ADAMTS2: variants seen among roughly 807,000 people sequenced by gnomAD.
ADAMTS2 encodes A disintegrin and metalloproteinase with thrombospondin motifs 2.
A neutral mutation model predicts 123.0 loss-of-function variants in ADAMTS2; 50 were observed. The observed-to-expected ratio is 0.41, with a 90% confidence interval of 0.32 to 0.51. ADAMTS2 has a LOEUF of 0.51. ADAMTS2 is among the 20% of genes least tolerant of loss of function. The pLI is 0.35. For missense variants in ADAMTS2, 1,494 were observed against 1,705.2 expected (o/e 0.88, Z 2.18); for synonymous variants, 678 against 695.4 (o/e 0.98, Z 0.39).
rs951797291 is a variant in ADAMTS2 at position 179,113,522 on chromosome 5, G to A, written c.*345C>T. 1.2e-5 allele frequency: 4 copies of A among 342,214 alleles called. No homozygotes were observed. Among genetic ancestry groups the A allele is most frequent in the African/African-American group, 8.4e-5 (4 of 47,818 alleles). The allele number at this position is 342,214 out of a possible 1,614,324, so 21.2% of individuals were successfully genotyped here. Reference sequence around the variant, plus strand: ...CATGCATCTCCGCCAAGGAAAGGAAGGTTCCCAATCACTGCTTAGCAACTT... The same window carrying A: ...CATGCATCTCCGCCAAGGAAAGGAAAGTTCCCAATCACTGCTTAGCAACTT... On this transcript the variant is annotated 3_prime_UTR_variant, in exon 22 of 22. Transcript: ENST00000251582.
rs1255215414 is a variant in ADAMTS2 at position 179,249,555 on chromosome 5, C to CAAAAA, written c.688+23355_688+23356insTTTTT. On this transcript the variant is annotated intron_variant, in intron 3 of 21. Transcript: ENST00000251582. ...AGGCTCCAATTACTAAAATCACAAA[C>CAAAAA]AAAAGTGGGGACATTACTACCGACC... Among the ~76,000 whole-genome samples, 25 of 152,078 alleles carry CAAAAA rather than the reference C, an allele frequency of 1.6e-4. No homozygotes were observed. The East Asian group carries it at 3.9e-3, about 23-fold the overall frequency.
Position 179,312,545 on chromosome 5 carries a change from G to A in ADAMTS2, c.534+31222C>T, listed in dbSNP as rs555684177. Reference sequence around the variant, plus strand: ...GCTTCCGATGCTTTTAAGCCGCTCCGTTTATGGTATTTGGCTATAGCAGCC... The same window carrying A: ...GCTTCCGATGCTTTTAAGCCGCTCCATTTATGGTATTTGGCTATAGCAGCC... On this transcript the variant is annotated intron_variant, in intron 2 of 21. Transcript: ENST00000251582. This position sits in a 1 kb window ranked among gnomAD's most constrained non-coding sequence, Gnocchi z 4.2. Among the ~76,000 whole-genome samples, 67 of 152,312 alleles carry A rather than the reference G, an allele frequency of 4.4e-4. No individual in the cohort carries two copies. Among genetic ancestry groups the A allele is most frequent in the South Asian group, 1.0e-3 (5 of 4,818 alleles).
rs1310226508 is a variant in ADAMTS2 at position 179,134,775 on chromosome 5, A to AGC, written c.2085+1133_2085+1134insGC. Among the ~76,000 whole-genome samples the AGC allele has an allele frequency of 4.4e-3, 150 of 33,814 alleles. 2 individuals carry two copies. The highest frequency in any genetic ancestry group is 5.4e-3 in the Admixed American group (17 of 3,172). 22.2% of individuals were successfully genotyped at this position (33,814 alleles called of 152,430 possible). ...GGCTCCAGCTCCAGCTCCCGGCTCC[A>AGC]TCCCCCAGCTCCCGGCTCCAGCCCC... On this transcript the variant is annotated intron_variant, in intron 13 of 21. Coordinates refer to ENST00000251582, the MANE Select transcript of ADAMTS2 (RefSeq NM_014244.5).
intron 3 of ADAMTS2, among the ~76,000 whole-genome samples, chr5:179,230,286 G>C (rs1765378470): frequency 6.6e-6 from 1 of 152,198 alleles, no homozygotes; most frequent in East Asian, 1.9e-4. Flanking sequence ...GGGATTACCA[G>C]AAAGTGCGGT....
intron 10 of ADAMTS2, among the ~76,000 whole-genome samples, chr5:179,141,441 A>G (rs1763168518): frequency 6.6e-6 from 1 of 152,224 alleles, no homozygotes; most frequent in Non-Finnish European, 1.5e-5. Context: ...GAAACTTTGA[A>G]TGGAAGTGTA....
Position 179,285,164 on chromosome 5 carries a change from G to C in ADAMTS2, c.535-12100C>G, listed in dbSNP as rs1755984774. ...AGCTGTTAGGAAACGCGTAACAAAGGGTCAGCAGTGTTACGATCGGGGGTG... is the reference window on the plus strand; with the variant it reads ...AGCTGTTAGGAAACGCGTAACAAAGCGTCAGCAGTGTTACGATCGGGGGTG... On this transcript the variant is annotated intron_variant, in intron 2 of 21. Coordinates refer to ENST00000251582, the MANE Select transcript of ADAMTS2 (RefSeq NM_014244.5). The surrounding 1 kb of genome is among the most constrained non-coding windows in gnomAD (Gnocchi z 4.9). Among the ~76,000 whole-genome samples the C allele has an allele frequency of 6.6e-6, 1 of 152,096 alleles. No homozygotes were observed. Among genetic ancestry groups the C allele is most frequent in the African/African-American group, 2.4e-5 (1 of 41,424 alleles).
chr5:179,134,720 C>T (rs886749281), intron 13 of ADAMTS2, among the ~76,000 whole-genome samples: 1 of 149,758 alleles, frequency 6.7e-6, no homozygotes, highest in Admixed American at 6.7e-5. Context: ...CTCGAGCACC[C>T]TCCCGGCTCC....
intron 4 of ADAMTS2, among the ~76,000 whole-genome samples, chr5:179,187,507 T>C (rs879651784): frequency 6.6e-6 from 1 of 152,188 alleles, no homozygotes; most frequent in African/African-American, 2.4e-5. Context: ...TTTGAAGATA[T>C]GGAATAACAG....
In ADAMTS2 at chr5:179,139,940, A is replaced by G. The variant is rs2113223195; in HGVS notation, c.1725T>C (p.Arg575=). The G allele has an allele frequency of 1.2e-6, 2 of 1,613,348 alleles. No homozygotes were observed. The highest frequency in any genetic ancestry group is 1.3e-5 in the African/African-American group (1 of 75,026). ...GAWSPFGSCS[R]TCGTGVKFRT... is the part of the protein sequence containing the mutation. ...TGAACTTCACGCCCGTGCCACAGGT[A>G]CGTGAGCAGGAGCCAAACGGACTCC... Residue 575 remains arginine (R), a synonymous_variant, in exon 11 of 22, where the codon CGT becomes CGC. Transcript: ENST00000251582.
At chr5:179,261,307 C>T (rs1028495726) in intron 3 of ADAMTS2, among the ~76,000 whole-genome samples, 1 of 152,178 alleles carries the variant, frequency 6.6e-6, no homozygotes, top group Non-Finnish European at 1.5e-5. Context: ...GCTTTGCTGC[C>T]GGAGCAGCAA....
intron 19 of ADAMTS2, among the ~76,000 whole-genome samples, chr5:179,124,151 T>C (rs959776899): frequency 6.6e-6 from 1 of 152,212 alleles, no homozygotes; most frequent in Non-Finnish European, 1.5e-5. Context: ...CCCCTGCAAC[T>C]GCAAGTCCCG....
At position 179,245,720 on chromosome 5, in the gene ADAMTS2, C is replaced by T. The variant is rs376386191; in HGVS notation, c.688+27191G>A. On this transcript the variant is annotated intron_variant, in intron 3 of 21. Transcript: ENST00000251582. ...GGCGGAGCTTGCAGTGAGCCGAGAT[C>T]GCGCCACTGCACTCCAGCCTGGGCG... Among the ~76,000 whole-genome samples, 15 of 117,920 alleles carry T rather than the reference C, an allele frequency of 1.3e-4. 1 individual carries two copies. Among genetic ancestry groups the T allele is most frequent in the African/African-American group, 2.6e-4 (8 of 30,686 alleles). 77.4% of individuals were successfully genotyped at this position (117,920 alleles called of 152,430 possible).
chr5:179,160,182 T>G (rs1763567519), intron 5 of ADAMTS2, among the ~76,000 whole-genome samples: 1 of 152,186 alleles, frequency 6.6e-6, no homozygotes, highest in Admixed American at 6.5e-5. Flanking sequence ...AAGTTGGCCG[T>G]GCGCGGTGGC....
At chr5:179,270,387 C>A (rs931902917) in intron 3 of ADAMTS2, among the ~76,000 whole-genome samples, 2 of 152,208 alleles carry the variant, frequency 1.3e-5, no homozygotes. Context: ...GTGCTTCACA[C>A]CCACTTCCAG....
intron 2 of ADAMTS2, among the ~76,000 whole-genome samples, chr5:179,287,430 G>A (rs756627431): frequency 2.0e-5 from 3 of 152,146 alleles, no homozygotes; most frequent in East Asian, 1.9e-4. Flanking sequence ...ACTCTCTCAC[G>A]GTCCAGCAGG....
rs1166990772 is a variant in ADAMTS2, at chr5:179,302,379, C to CAAAAAA, written c.535-29321_535-29316dup. Among the ~76,000 whole-genome samples the CAAAAAA allele has an allele frequency of 2.1e-3, 81 of 38,194 alleles. 2 individuals are homozygous for CAAAAAA. Among genetic ancestry groups the CAAAAAA allele is most frequent in the African/African-American group, 8.4e-3 (80 of 9,468 alleles). The allele number at this position is 38,194 out of a possible 152,430, so 25.1% of individuals were successfully genotyped here. A position where few individuals can be genotyped will look rare whatever the true frequency, so the allele number is the denominator to read the frequency against. On this transcript the variant is annotated intron_variant, in intron 2 of 21. Coordinates refer to ENST00000251582, the MANE Select transcript of ADAMTS2 (RefSeq NM_014244.5). The stretch of plus-strand genomic sequence containing the variant: ...TCTGGGCGACAGAGCAAGACCGTCT[C>CAAAAAA]AAAAAAAAAAAAAAAAAAAAAAAAA...
chr5:179,114,258 A>G lies in ADAMTS2; in HGVS notation c.3245T>C (p.Ile1082Thr), dbSNP rs746853740. The G allele has an allele frequency of 6.2e-7, 1 of 1,614,134 alleles. No homozygotes were observed. The highest frequency in any genetic ancestry group is 8.5e-7 in the Non-Finnish European group (1 of 1,179,996). The change falls in exon 22 of 22, where the codon ATC becomes ACC. Residue 1082 changes from isoleucine to threonine, a missense_variant. By Grantham distance (89) the Ile-to-Thr change is moderately conservative. This residue lies in a region of ADAMTS2 where 953 missense variants were observed against 1,124.7 expected (regional missense o/e 0.85). Coordinates refer to ENST00000251582, the MANE Select transcript of ADAMTS2 (RefSeq NM_014244.5). The part of the protein sequence containing the change: ...RMEVLSRYCS[I>T]PGYNKLCCKS... ...GCAGCACAGCTTGTTGTAGCCTGGGATGGAGCAATAGCGGGACAAGACTTC... is the reference window on the plus strand; with the variant it reads ...GCAGCACAGCTTGTTGTAGCCTGGGGTGGAGCAATAGCGGGACAAGACTTC...
intron 9 of ADAMTS2, among the ~76,000 whole-genome samples, chr5:179,152,462 G>T (rs566466156): frequency 1.3e-5 from 2 of 152,160 alleles, no homozygotes; most frequent in Non-Finnish European, 2.9e-5. Context: ...ACGCGGCTGG[G>T]CCTCTCTGCC....
intron 2 of ADAMTS2, among the ~76,000 whole-genome samples, chr5:179,340,251 G>A (rs1757735333): frequency 6.6e-6 from 1 of 152,230 alleles, no homozygotes. Context: ...GCCCAGCCTG[G>A]CAGGAGAGGA....
Sources: gnomAD v4.1 joint callset for allele counts (sites outside exome capture counted in the v4.1 genomes callset) on GRCh38, gnomAD v4.1.1 for gene constraint, gnomAD v4.1.1 regional missense constraint, Gnocchi (gnomAD v3.1) non-coding constraint, MANE v1.5 for transcripts, NCBI Gene and HGNC (gene_info 2026-07-23, HGNC 2026-07-21) for gene names.